The following ADD2 variants were observed in gnomAD, a reference collection of about 807,000 sequenced individuals.
ADD2 encodes beta-adducin.
ADD2 carries 23 observed loss-of-function variants against 83.0 expected under a neutral mutation model. The observed-to-expected ratio is 0.28, with a 90% CI of 0.20 to 0.39. ADD2 has a LOEUF of 0.39. Among genes scored for constraint, ADD2 ranks in the 10% least tolerant of loss-of-function variants. The pLI, the probability that ADD2 is intolerant of heterozygous loss-of-function variation, is 1.00. For missense variants in ADD2, 758 were observed against 944.9 expected, an observed-to-expected ratio of 0.80 and a Z score of 2.59; for synonymous variants, 375 against 375.4, an observed-to-expected ratio of 1.00 and a Z score of 0.01.
At chr2:70,713,669 TA>T (rs1553375861) in intron 1 of ADD2, among the ~76,000 whole-genome samples, 1 of 152,136 alleles carries the variant, frequency 6.6e-6, no homozygotes, top group Non-Finnish European at 1.5e-5. Context: ...AAATTCCTTT[TA>T]AAGAGAAGAA....
At chr2:70,762,966 A>AG (rs1675197828) in intron 1 of ADD2, among the ~76,000 whole-genome samples, 2 of 151,842 alleles carry the variant, frequency 1.3e-5, no homozygotes, top group Non-Finnish European at 2.9e-5. Flanking sequence ...TCGGCCTCCC[A>AG]AAGTGCTGGG....
At chr2:70,742,589 C>G (rs978727189) in intron 1 of ADD2, among the ~76,000 whole-genome samples, 1 of 152,118 alleles carries the variant, frequency 6.6e-6, no homozygotes, top group Non-Finnish European at 1.5e-5. Context: ...TCAAGTCAGG[C>G]TCAACTGGTA....
Position 70,722,023 on chromosome 2 carries a change from T to A in ADD2, c.-153-8839A>T, listed in dbSNP as rs1672751288. Among the ~76,000 whole-genome samples the A allele has an allele frequency of 3.3e-5, 5 of 152,242 alleles. No individual in the cohort carries two copies. The South Asian group carries it at 1.0e-3, about 32-fold the overall frequency. On this transcript the variant is annotated intron_variant, in intron 1 of 15. Transcript: ENST00000264436. ...AGGAGGGAATGAAAAATAAACATCA[T>A]GATAACAATTTGATAACAGGGTTAG...
intron 15 of ADD2, among the ~76,000 whole-genome samples, chr2:70,666,488 C>G (rs1166874092): frequency 6.6e-6 from 1 of 152,208 alleles, no homozygotes; most frequent in African/African-American, 2.4e-5. Context: ...CACTGCAGGG[C>G]CTTCACTTGG....
At chr2:70,702,701 G>GAAAA (rs77903261) in intron 4 of ADD2, among the ~76,000 whole-genome samples, 1 of 141,358 alleles carries the variant, frequency 7.1e-6, no homozygotes, top group Non-Finnish European at 1.5e-5. Context: ...GGAGAAACTG[G>GAAAA]AAAAAAAAAA....
intron 13 of ADD2, chr2:70,675,756 T>A: frequency 1.0e-6 from 1 of 985,278 alleles, no homozygotes; most frequent in Non-Finnish European, 1.2e-6. Context: ...AGGCCTAATG[T>A]AGGGAATCAT....
At chr2:70,727,004 T>C (rs782729902) in intron 1 of ADD2, among the ~76,000 whole-genome samples, 1 of 152,166 alleles carries the variant, frequency 6.6e-6, no homozygotes, top group Non-Finnish European at 1.5e-5. Flanking sequence ...CATGACTTCT[T>C]GTGGGCCACA....
intron 8 of ADD2, 35 bp downstream of exon 8, chr2:70,690,751 A>G: frequency 6.3e-7 from 1 of 1,590,850 alleles, no homozygotes; most frequent in Non-Finnish European, 8.5e-7. Context: ...TGACAATGCC[A>G]CTCTAGATTA....
At chr2:70,719,502 A>T (rs1369049393) in intron 1 of ADD2, among the ~76,000 whole-genome samples, 1 of 152,166 alleles carries the variant, frequency 6.6e-6, no homozygotes, top group Non-Finnish European at 1.5e-5. Context: ...ACTGATCACA[A>T]AACCATGTGG....
intron 15 of ADD2, among the ~76,000 whole-genome samples, chr2:70,666,857 G>A (rs1403880189): frequency 6.6e-6 from 1 of 152,208 alleles, no homozygotes; most frequent in Non-Finnish European, 1.5e-5. Context: ...TCCACATCAT[G>A]AATTGTTTGA....
Position 70,688,180 on chromosome 2 carries a change from G to C in ADD2, c.850-58C>G. 3 of 1,444,378 alleles carry C rather than the reference G, an allele frequency of 2.1e-6. No homozygotes were observed. The South Asian group carries it at 3.6e-5, about 17-fold the overall frequency. 89.5% of individuals were successfully genotyped at this position (1,444,378 alleles called of 1,614,324 possible). On this transcript the variant is annotated intron_variant, in intron 8 of 15. Transcript: ENST00000264436. ...AAGTCCTCTAAACTTTAGTTAAGAG[G>C]GAGAGGTTTTCCATTTTATTTAGAT...
chr2:70,676,007 C>T lies in ADD2; in HGVS notation c.1593+789G>A, dbSNP rs1486350269. 2.0e-6 allele frequency: 2 copies of T among 985,324 alleles called. No homozygotes were observed. Among genetic ancestry groups the T allele is most frequent in the African/African-American group, 1.7e-5 (1 of 57,248 alleles). 61.0% of individuals were successfully genotyped at this position (985,324 alleles called of 1,614,324 possible). ...TAAGTGTGATGATACAACTTTCACACTTCTCCTGCCAATGGGCACCCACCC... is the reference window on the plus strand; with the variant it reads ...TAAGTGTGATGATACAACTTTCACATTTCTCCTGCCAATGGGCACCCACCC... On this transcript the variant is annotated intron_variant, in intron 13 of 15. Coordinates refer to ENST00000264436, the MANE Select transcript of ADD2 (RefSeq NM_001617.4). The surrounding 1 kb of genome is among the most constrained non-coding windows in gnomAD (Gnocchi z 4.8).
chr2:70,710,892 G>C (rs1672146777), intron 2 of ADD2, among the ~76,000 whole-genome samples: 1 of 152,230 alleles, frequency 6.6e-6, no homozygotes, highest in African/African-American at 2.4e-5. Flanking sequence ...CTCTTATCAT[G>C]TGTGATTGAG....
chr2:70,703,849 T>C (rs1293756245), intron 4 of ADD2, among the ~76,000 whole-genome samples: 1 of 152,232 alleles, frequency 6.6e-6, no homozygotes, highest in African/African-American at 2.4e-5. Flanking sequence ...TTCCCTTTCT[T>C]GGTTATTTTC....
intron 1 of ADD2, among the ~76,000 whole-genome samples, chr2:70,730,300 A>G (rs1276950398): frequency 2.6e-5 from 4 of 152,220 alleles, no homozygotes; most frequent in African/African-American, 7.2e-5. Context: ...ATGATACCAC[A>G]TCGGGCCTCT....
In ADD2 at chr2:70,676,091, G is replaced by A; in HGVS notation, c.1593+705C>T. ...TCATCACAATTTGCCCTGCAGAGAG[G>A]AACATTTCCTGTATTTCCCCAATTT... On this transcript the variant is annotated intron_variant, in intron 13 of 15. Coordinates refer to ENST00000264436, the MANE Select transcript of ADD2 (RefSeq NM_001617.4). This position sits in a 1 kb window ranked among gnomAD's most constrained non-coding sequence, Gnocchi z 4.8. 5.1e-6 allele frequency: 5 copies of A among 985,396 alleles called. No individual in the cohort carries two copies. Among genetic ancestry groups the A allele is most frequent in the South Asian group, 4.7e-5 (1 of 21,286 alleles). The allele number at this position is 985,396 out of a possible 1,614,324, so 61.0% of individuals were successfully genotyped here.
intron 1 of ADD2, among the ~76,000 whole-genome samples, chr2:70,728,357 C>T (rs534073099): frequency 2.0e-5 from 3 of 152,296 alleles, no homozygotes; most frequent in African/African-American, 7.2e-5. Context: ...CCAACCCCCT[C>T]GCTTTATAGA....
At chr2:70,699,259 T>C (rs1671463949) in intron 4 of ADD2, among the ~76,000 whole-genome samples, 1 of 152,072 alleles carries the variant, frequency 6.6e-6, no homozygotes, top group Non-Finnish European at 1.5e-5. Context: ...AAAAGACCTG[T>C]GCATGTGAGT....
chr2:70,756,977 C>A (rs1156925214), intron 1 of ADD2, among the ~76,000 whole-genome samples: 1 of 152,016 alleles, frequency 6.6e-6, no homozygotes, highest in African/African-American at 2.4e-5. Flanking sequence ...TACAGGCATG[C>A]CCCACCACAC....
Sources: gnomAD v4.1 joint callset for allele counts (sites outside exome capture counted in the v4.1 genomes callset) on GRCh38, gnomAD v4.1.1 for gene constraint, Gnocchi (gnomAD v3.1) non-coding constraint, MANE v1.5 for transcripts, NCBI Gene and HGNC (gene_info 2026-07-23, HGNC 2026-07-21) for gene names.